PHYH: variants seen among roughly 807,000 people sequenced by gnomAD.
PHYH encodes the protein phytanoyl-CoA 2-hydroxylase.
In PHYH, 32 loss-of-function variants were observed where a neutral mutation model predicts 38.5. The ratio of observed to expected loss-of-function variants is 0.83; its 90% CI spans 0.63 to 1.12. The LOEUF (loss-of-function observed/expected upper bound fraction) is 1.12. Ranked by LOEUF, PHYH falls within the 50% of genes most tolerant of loss-of-function variation. PHYH has a pLI of 0.00. For synonymous variants in PHYH, 166 were observed against 157.9 expected (o/e 1.05, Z -0.38); for missense variants, 426 against 434.8 (o/e 0.98, Z 0.18).
rs530972038 is a variant in PHYH, at chr10:13,288,806, A to C, written c.497-265T>G. 8.0e-5 allele frequency among the ~76,000 whole-genome samples: 12 copies of C among 150,770 alleles called. No individual in the cohort carries two copies. The East Asian group carries it at 2.4e-3, about 30-fold the overall frequency. On this transcript the variant is annotated intron_variant, in intron 5 of 8. Coordinates refer to ENST00000263038, the MANE Select transcript of PHYH (RefSeq NM_006214.4). ...GCACCTGTAGTCACAGCTACTTGGG[A>C]GGCTGAGGTGGGAGGATCACCTGAG...
intron 1 of PHYH, among the ~76,000 whole-genome samples, chr10:13,298,653 A>C (rs928144469): frequency 3.3e-5 from 5 of 151,612 alleles, no homozygotes; most frequent in Middle Eastern, 3.4e-3. Context: ...GTGAGCTGAG[A>C]TCAGGCCACT....
chr10:13,295,306 CA>C, intron 3 of PHYH, 189 bp downstream of exon 3: 1 of 575,630 alleles, frequency 1.7e-6, no homozygotes, highest in South Asian at 2.0e-5. Context: ...TCAGCCTACA[CA>C]ACAGAGTGAG....
At chr10:13,280,402 G>A (rs1477024937) in intron 8 of PHYH, among the ~76,000 whole-genome samples, 1 of 152,090 alleles carries the variant, frequency 6.6e-6, no homozygotes, top group African/African-American at 2.4e-5. Context: ...GTGCAGTAGT[G>A]CAATCAGCTC....
chr10:13,293,348 G>A (rs1260068209), intron 4 of PHYH, among the ~76,000 whole-genome samples: 1 of 151,980 alleles, frequency 6.6e-6, no homozygotes, highest in Admixed American at 6.6e-5. Flanking sequence ...TGTTGCCCAG[G>A]CTAGGTGCAA....
At chr10:13,294,686 G>C (rs773169928) in intron 3 of PHYH, 90 bp from the exon 4 acceptor site, 27 of 1,131,956 alleles carry the variant, frequency 2.4e-5, no homozygotes, top group Admixed American at 3.5e-5. Context: ...CAGACTTGAG[G>C]GGTGGTTTCT....
At chr10:13,297,873 T>A (rs1288430205) in intron 2 of PHYH, among the ~76,000 whole-genome samples, 1 of 151,816 alleles carries the variant, frequency 6.6e-6, no homozygotes, top group African/African-American at 2.4e-5. Flanking sequence ...GGCAGGAGGA[T>A]TGCTTTAGCC....
chr10:13,279,065 C>T (rs1835355786), intron 8 of PHYH, among the ~76,000 whole-genome samples: 1 of 151,680 alleles, frequency 6.6e-6, no homozygotes, highest in Admixed American at 6.6e-5. Flanking sequence ...ATGGTACCAT[C>T]TTGGCTCATT....
rs148602565 is a variant in PHYH, at chr10:13,288,439, C to G, written c.599G>C (p.Ser200Thr). 1.2e-6 allele frequency: 2 copies of G among 1,614,220 alleles called. No homozygotes were observed. Among genetic ancestry groups the G allele is most frequent in the Non-Finnish European group, 1.7e-6 (2 of 1,180,038 alleles). The change falls in exon 6 of 9, where the codon AGC becomes ACC. Residue 200 changes from serine (S) to threonine (T), a missense_variant. Transcript: ENST00000263038. ...CACAACCAGACAGCCGTTGTTCCGG[C>G]TGATGTGCTCCATCGCCGTCCAGGC... ...VCAWTAMEHI[S>T]RNNGCLVVLP...
rs1057272016 is a variant in PHYH, at chr10:13,295,607, C to G, written c.135-1G>C. On this transcript the variant is annotated splice_acceptor_variant, in intron 2 of 8. Coordinates refer to ENST00000263038, the MANE Select transcript of PHYH (RefSeq NM_006214.4). LOFTEE classifies it high-confidence loss of function. ...TAGAACGTTATTATCCAGAGTATAC[C>G]TAAAGGAGAAAAAGAATCCCAAAAT... 2.3e-5 allele frequency: 26 copies of G among 1,113,868 alleles called. No homozygotes were observed. Among genetic ancestry groups the G allele is most frequent in the Non-Finnish European group, 3.6e-5 (26 of 723,316 alleles). 69.0% of individuals were successfully genotyped at this position (1,113,868 alleles called of 1,614,324 possible).
chr10:13,298,824 G>T (rs552631101), intron 1 of PHYH, among the ~76,000 whole-genome samples: 1 of 145,278 alleles, frequency 6.9e-6, no homozygotes, highest in South Asian at 2.3e-4. Flanking sequence ...TGAGGCAGGG[G>T]AATGGCTTGA....
chr10:13,281,028 A>G lies in PHYH; in HGVS notation c.911T>C (p.Val304Ala), dbSNP rs148073878. The G allele has an allele frequency of 1.9e-6, 3 of 1,613,870 alleles. No individual in the cohort carries two copies. Among genetic ancestry groups the G allele is most frequent in the East Asian group, 4.5e-5 (2 of 44,902 alleles). The change falls in exon 8 of 9, where the codon GTT (valine) becomes GCT (alanine). Residue 304 changes from valine (V) to alanine (A), a missense_variant. By Grantham distance (64) the Val-to-Ala change is moderately conservative. Transcript: ENST00000263038. ...AAAGAATTTATGTGCTATTCCTACA[A>G]CTTCCTTCTCGATGTTTTCTTGACT... ...GTSQENIEKEVVGIAHKFFGA... is the reference protein window; with the variant it reads ...GTSQENIEKEAVGIAHKFFGA...
intron 6 of PHYH, among the ~76,000 whole-genome samples, chr10:13,287,225 G>C (rs1056150609): frequency 4.6e-5 from 7 of 152,044 alleles, no homozygotes; most frequent in African/African-American, 7.2e-5. Flanking sequence ...TATAATCCCA[G>C]CTACTCGGGA....
intron 4 of PHYH, among the ~76,000 whole-genome samples, chr10:13,293,656 A>G (rs1161879238): frequency 2.6e-5 from 4 of 151,880 alleles, no homozygotes; most frequent in African/African-American, 7.3e-5. Flanking sequence ...AATATAGACA[A>G]TGGTCTCACT....
intron 5 of PHYH, 29 bp downstream of exon 5, chr10:13,291,802 C>A (rs760763536): frequency 6.8e-7 from 1 of 1,478,424 alleles, no homozygotes; most frequent in Admixed American, 1.7e-5. Flanking sequence ...TTAATGAAAC[C>A]ATTTTTTTTT....
chr10:13,287,021 ATTTG>A (rs1835568113), intron 6 of PHYH, among the ~76,000 whole-genome samples: 1 of 152,102 alleles, frequency 6.6e-6, no homozygotes, highest in Admixed American at 6.6e-5. Flanking sequence ...GAAACTGTTT[ATTTG>A]TTTAATTGTT....
rs1221375627 is a variant in PHYH, at chr10:13,277,840, G to A, written c.*461C>T. 1.4e-5 allele frequency: 3 copies of A among 213,520 alleles called. No individual in the cohort carries two copies. The highest frequency in any genetic ancestry group is 1.2e-4 in the East Asian group (1 of 8,292). The allele number at this position is 213,520 out of a possible 1,614,324, so 13.2% of individuals were successfully genotyped here. Reference sequence around the variant, plus strand: ...CACTTTATTTGGACTCCATGACACCGTTCCTATGCCCTTGACTAGATGTGA... The same window carrying A: ...CACTTTATTTGGACTCCATGACACCATTCCTATGCCCTTGACTAGATGTGA... On this transcript the variant is annotated 3_prime_UTR_variant, in exon 9 of 9. Coordinates refer to ENST00000263038, the MANE Select transcript of PHYH (RefSeq NM_006214.4).
intron 8 of PHYH, 72 bp downstream of exon 8, chr10:13,280,904 T>C: frequency 7.3e-7 from 1 of 1,372,042 alleles, no homozygotes; most frequent in South Asian, 1.2e-5. Flanking sequence ...ATAAACTAGG[T>C]ATGAGAATTA....
intron 1 of PHYH, 198 bp downstream of exon 1, chr10:13,299,770 T>C (rs763322876): frequency 3.9e-5 from 51 of 1,311,522 alleles, no homozygotes; most frequent in Non-Finnish European, 4.1e-5. Context: ...GCCGCGCGTG[T>C]CCTCGGGGGA....
intron 8 of PHYH, among the ~76,000 whole-genome samples, chr10:13,280,349 C>A (rs1481451640): frequency 1.3e-5 from 2 of 148,730 alleles, no homozygotes; most frequent in African/African-American, 5.0e-5. Flanking sequence ...CTTCAGAAGG[C>A]TTTTTTTTTG....
Sources: gnomAD v4.1 joint callset for allele counts (sites outside exome capture counted in the v4.1 genomes callset) on GRCh38, gnomAD v4.1.1 for gene constraint, MANE v1.5 for transcripts, NCBI Gene and HGNC (gene_info 2026-07-23, HGNC 2026-07-21) for gene names.